The following TYW5 variants were observed in gnomAD, a reference collection of about 807,000 sequenced individuals.
TYW5 encodes tRNA wybutosine-synthesizing protein 5.
A neutral mutation model predicts 44.4 loss-of-function variants in TYW5; 36 were observed. That is an observed-to-expected ratio of 0.81 (90% CI 0.62 to 1.07). TYW5 has a LOEUF of 1.07. Ranked by LOEUF, TYW5 falls within the 50% of genes least tolerant of loss-of-function variation. TYW5 has a pLI of 0.00. For missense variants in TYW5, 354 were observed against 365.7 expected, an observed-to-expected ratio of 0.97 and a Z score of 0.26; for synonymous variants, 121 against 128.1, an observed-to-expected ratio of 0.94 and a Z score of 0.37.
chr2:199,937,681 C>A (rs929201432), intron 5 of TYW5, among the ~76,000 whole-genome samples: 6 of 151,872 alleles, frequency 4.0e-5, no homozygotes, highest in Non-Finnish European at 8.8e-5. Context: ...AAAACAACAA[C>A]AACAATCATC....
chr2:199,952,778 CTTCATT>C (rs1334643720), intron 1 of TYW5, among the ~76,000 whole-genome samples: 2 of 152,156 alleles, frequency 1.3e-5, no homozygotes, highest in Non-Finnish European at 2.9e-5. Flanking sequence ...ACTTGTGTAG[CTTCATT>C]TTGTTTTGTA....
Position 199,939,051 on chromosome 2 carries a change from T to C in TYW5, c.368A>G (p.Lys123Arg). 6.2e-7 allele frequency: 1 copy of C among 1,610,056 alleles called. No homozygotes were observed. The highest frequency in any genetic ancestry group is 8.5e-7 in the Non-Finnish European group (1 of 1,178,884). Residue 123 changes from lysine (K) to arginine (R), a missense_variant, in exon 5 of 8, where the codon AAG (lysine) becomes AGG (arginine). Coordinates refer to ENST00000354611, the MANE Select transcript of TYW5 (RefSeq NM_001039693.3). ...ATCTCCTTTCAACAAAGGAAACTGCTTTCTGATATCTGCAACATCCTGCAT... is the reference window on the plus strand; with the variant it reads ...ATCTCCTTTCAACAAAGGAAACTGCCTTCTGATATCTGCAACATCCTGCAT... ...DPRKDVADIR[K>R]QFPLLKGDIK...
At chr2:199,940,485 T>A (rs895555207) in intron 3 of TYW5, among the ~76,000 whole-genome samples, 3 of 151,918 alleles carry the variant, frequency 2.0e-5, no homozygotes, top group African/African-American at 7.3e-5. Context: ...AGACACCATC[T>A]ACAAAAAATT....
chr2:199,936,028 C>T lies in TYW5; in HGVS notation c.594G>A (p.Leu198=). 1 of 1,609,008 alleles carries T rather than the reference C, an allele frequency of 6.2e-7. No homozygotes were observed. The highest frequency in any genetic ancestry group is 8.5e-7 in the Non-Finnish European group (1 of 1,176,074). Reference sequence around the variant, plus strand: ...TAGCCAAGTCTGGGTTATCTATATTCAGTACTTCTGATTTAGTACCTAAAA... The same window carrying T: ...TAGCCAAGTCTGGGTTATCTATATTTAGTACTTCTGATTTAGTACCTAAAA... ...LYLKGTKSEV[L]NIDNPDLAKY... The change falls in exon 7 of 8, where the codon CTG becomes CTA. Residue 198 remains leucine, a synonymous_variant. Coordinates refer to ENST00000354611, the MANE Select transcript of TYW5 (RefSeq NM_001039693.3).
chr2:199,952,704 C>T (rs1420051120), intron 1 of TYW5, among the ~76,000 whole-genome samples: 1 of 152,212 alleles, frequency 6.6e-6, no homozygotes, highest in Non-Finnish European at 1.5e-5. Flanking sequence ...AATTTTGAGT[C>T]ATAGCTAGAA....
Position 199,929,741 on chromosome 2 carries a change from A to T in TYW5, c.*3326T>A, listed in dbSNP as rs1421922592. On this transcript the variant is annotated 3_prime_UTR_variant, in exon 8 of 8. Coordinates refer to ENST00000354611, the MANE Select transcript of TYW5 (RefSeq NM_001039693.3). ...TTTTGGTATTTTATCAAAGTGAGTTAGAAATTAATTACAGGACAAATAGAA... is the reference window on the plus strand; with the variant it reads ...TTTTGGTATTTTATCAAAGTGAGTTTGAAATTAATTACAGGACAAATAGAA... 6.6e-6 allele frequency among the ~76,000 whole-genome samples: 1 copy of T among 152,124 alleles called. No homozygotes were observed. The highest frequency in any genetic ancestry group is 1.5e-5 in the Non-Finnish European group (1 of 68,006).
chr2:199,949,454 A>G (rs1392498211), intron 1 of TYW5, among the ~76,000 whole-genome samples: 1 of 152,136 alleles, frequency 6.6e-6, no homozygotes. Context: ...TGTCCCAATG[A>G]TTTCCTTTGC....
rs2077444565 is a variant in TYW5 at position 199,939,178 on chromosome 2, T to C, written c.349-108A>G. On this transcript the variant is annotated intron_variant, in intron 4 of 7. Transcript: ENST00000354611. ...GCTTTAAAATACTATGATGTGACCA[T>C]GTGCCAATACATGATCTCTCTCTCT... 3 of 974,382 alleles carry C rather than the reference T, an allele frequency of 3.1e-6. No individual in the cohort carries two copies. In the East Asian group the frequency reaches 7.9e-5, roughly 26 times the overall value. 60.4% of individuals were successfully genotyped at this position (974,382 alleles called of 1,614,324 possible).
Position 199,935,747 on chromosome 2 carries a change from CACACACACA to C in TYW5, c.691+175_691+183del, listed in dbSNP as rs1391130815. Among the ~76,000 whole-genome samples the C allele has an allele frequency of 2.7e-5, 4 of 147,148 alleles. No individual in the cohort carries two copies. The East Asian group carries it at 8.2e-4, about 30-fold the overall frequency. Reference sequence around the variant, plus strand: ...ACACACACACACACACACACACACACACACACACACACACACACATACACACACACGCAC... The same window carrying C: ...ACACACACACACACACACACACACACCACACACACATACACACACACGCAC... On this transcript the variant is annotated intron_variant, in intron 7 of 7. Coordinates refer to ENST00000354611, the MANE Select transcript of TYW5 (RefSeq NM_001039693.3).
Position 199,933,266 on chromosome 2 carries a change from C to T in TYW5, c.749G>A (p.Trp250Ter). 1.2e-6 allele frequency: 2 copies of T among 1,613,682 alleles called. No homozygotes were observed. Among genetic ancestry groups the T allele is most frequent in the Non-Finnish European group, 1.7e-6 (2 of 1,179,856 alleles). Residue 250 changes from tryptophan to a stop codon, truncating the protein, a stop_gained, in exon 8 of 8, where the codon TGG becomes TAG. Transcript: ENST00000354611. LOFTEE classifies it high-confidence loss of function. ...ATAGCATTCAGATGGAAGGTGCTTCCAAAAGATATTCACTCCCACTCCAAA... is the reference window on the plus strand; with the variant it reads ...ATAGCATTCAGATGGAAGGTGCTTCTAAAAGATATTCACTCCCACTCCAAA... ...EEFGVGVNIFWKHLPSECYDK... is the reference protein window; with the variant it reads ...EEFGVGVNIF
rs1428473688 is a variant in TYW5, at chr2:199,939,986, C to G, written c.348+103G>C. ...GAGAGAAGAATGGAAAAGGATAGAA[C>G]AGGGAATATGTCAGGCAGTAAGTAT... On this transcript the variant is annotated intron_variant, in intron 4 of 7. Coordinates refer to ENST00000354611, the MANE Select transcript of TYW5 (RefSeq NM_001039693.3). The G allele has an allele frequency of 2.8e-6, 3 of 1,078,668 alleles. No homozygotes were observed. The African/African-American group carries it at 4.7e-5, about 17-fold the overall frequency. 66.8% of individuals were successfully genotyped at this position (1,078,668 alleles called of 1,614,324 possible).
chr2:199,954,082 T>A (rs78154454), intron 1 of TYW5, among the ~76,000 whole-genome samples: 7,652 of 141,184 alleles, frequency 0.054, 232 homozygotes, highest in East Asian at 0.14. Context: ...AAAAACTTCA[T>A]TCCTCCCGCA....
At chr2:199,955,201 A>G (rs189054553) in intron 1 of TYW5, 192 bp downstream of exon 1, 48 of 566,664 alleles carry the variant, frequency 8.5e-5, no homozygotes, top group African/African-American at 7.7e-4. Context: ...TTCTCCGGAA[A>G]TTTCAATAGA....
At chr2:199,939,803 T>C (rs1373331725) in intron 4 of TYW5, among the ~76,000 whole-genome samples, 1 of 152,250 alleles carries the variant, frequency 6.6e-6, no homozygotes, top group Non-Finnish European at 1.5e-5. Flanking sequence ...AATTAATATT[T>C]TGTTAACTGA....
chr2:199,943,129 T>G (rs1268887113), intron 3 of TYW5: 1 of 152,270 alleles, frequency 6.6e-6, no homozygotes, highest in South Asian at 2.1e-4. Context: ...GTGCTGGGAT[T>G]ACAGGCGTGA....
intron 3 of TYW5, 41 bp downstream of exon 3, chr2:199,943,724 A>T: frequency 6.8e-7 from 1 of 1,469,708 alleles, no homozygotes; most frequent in Non-Finnish European, 9.4e-7. Flanking sequence ...TTTAGTATAT[A>T]GATATTAATG....
At chr2:199,945,359 G>C (rs1574804694) in intron 2 of TYW5, 2 of 152,336 alleles carry the variant, frequency 1.3e-5, no homozygotes, top group Admixed American at 6.5e-5. Context: ...CCAGGTTATG[G>C]ATTGGTGGGT....
At position 199,948,373 on chromosome 2, in the gene TYW5, TCTTTA is replaced by T; in HGVS notation, c.173_177del (p.Val58AspfsTer13). The stretch of plus-strand genomic sequence containing the variant: ...ATCTGTGCAACTGCAGCAACATGAA[TCTTTA>T]CTTCTTTCTTCCCTCCAACTTGGCT... On this transcript the variant is annotated frameshift_variant, in exon 2 of 8. Transcript: ENST00000354611. LOFTEE classifies it high-confidence loss of function. 9 of 1,614,126 alleles carry T rather than the reference TCTTTA, an allele frequency of 5.6e-6. No homozygotes were observed. The highest frequency in any genetic ancestry group is 1.7e-5 in the Admixed American group (1 of 60,024).
chr2:199,949,260 C>T (rs796990289), intron 1 of TYW5, among the ~76,000 whole-genome samples: 9 of 152,022 alleles, frequency 5.9e-5, no homozygotes, highest in African/African-American at 2.2e-4. Context: ...CCCAGCTACT[C>T]GGGAGGCTGA....
Sources: gnomAD v4.1 joint callset for allele counts (sites outside exome capture counted in the v4.1 genomes callset) on GRCh38, gnomAD v4.1.1 for gene constraint, MANE v1.5 for transcripts, NCBI Gene and HGNC (gene_info 2026-07-23, HGNC 2026-07-21) for gene names.